The following TBX15 variants were observed in gnomAD, a reference collection of about 807,000 sequenced individuals.
TBX15 encodes T-box transcription factor TBX15.
TBX15 carries 18 observed loss-of-function variants against 53.9 expected under a neutral mutation model. That is an observed-to-expected ratio of 0.33 (90% CI 0.23 to 0.49). The LOEUF is 0.49. TBX15 is among the 20% of genes least tolerant of loss of function. The pLI, the probability that TBX15 is intolerant of heterozygous loss-of-function variation, is 0.98. For missense variants in TBX15, 692 were observed against 749.5 expected (o/e 0.92, Z 0.90); for synonymous variants, 295 against 278.0 (o/e 1.06, Z -0.61).
intron 7 of TBX15, among the ~76,000 whole-genome samples, chr1:118,898,220 AATCACTAC>A (rs1654495449): frequency 6.6e-6 from 1 of 152,192 alleles, no homozygotes; most frequent in Non-Finnish European, 1.5e-5. Context: ...CTATGCTTTT[AATCACTAC>A]ACTCATCTTA....
At chr1:118,934,901 C>A (rs762488978) in intron 1 of TBX15, among the ~76,000 whole-genome samples, 1 of 152,188 alleles carries the variant, frequency 6.6e-6, no homozygotes, top group Non-Finnish European at 1.5e-5. Context: ...CACTCTCTCA[C>A]AAAACAGGAT....
At chr1:118,947,051 G>T (rs1176150674) in intron 1 of TBX15, among the ~76,000 whole-genome samples, 1 of 152,222 alleles carries the variant, frequency 6.6e-6, no homozygotes, top group African/African-American at 2.4e-5. Flanking sequence ...CTTAGGCAGT[G>T]GTCCCTGTAT....
chr1:118,924,847 A>G (rs755162139), intron 3 of TBX15, 30 bp from the exon 4 acceptor site: 2 of 1,613,574 alleles, frequency 1.2e-6, no homozygotes, highest in East Asian at 4.5e-5. Flanking sequence ...AGGAAAATTC[A>G]GAGACAGAGG....
intron 7 of TBX15, among the ~76,000 whole-genome samples, chr1:118,893,309 G>GAAA (rs1654227013): frequency 9.5e-6 from 1 of 104,806 alleles, no homozygotes; most frequent in African/African-American, 4.6e-5. Context: ...AAGGAAGGAA[G>GAAA]GAAGGAAAGA....
intron 1 of TBX15, among the ~76,000 whole-genome samples, chr1:118,932,975 CA>C (rs1655849439): frequency 6.6e-6 from 1 of 152,062 alleles, no homozygotes; most frequent in Non-Finnish European, 1.5e-5. Flanking sequence ...AGGCTGGAAA[CA>C]AGTGTTGTAC....
intron 2 of TBX15, 134 bp downstream of exon 2, chr1:118,931,485 C>CA: frequency 1.1e-6 from 1 of 920,490 alleles, no homozygotes; most frequent in Non-Finnish European, 1.7e-6. Context: ...CCAAGATGTC[C>CA]AAATGCAGAG....
intron 2 of TBX15, among the ~76,000 whole-genome samples, 159 bp from the exon 3 acceptor site, chr1:118,926,770 A>G (rs1330627180): frequency 1.3e-5 from 2 of 152,142 alleles, no homozygotes; most frequent in Non-Finnish European, 2.9e-5. Flanking sequence ...CAGTAGCACA[A>G]TCTTGGCTCA....
chr1:118,952,191 C>T (rs984285873), intron 1 of TBX15, among the ~76,000 whole-genome samples: 4 of 152,134 alleles, frequency 2.6e-5, no homozygotes, highest in African/African-American at 9.7e-5. Flanking sequence ...TTAACATTTT[C>T]TTCTCTCTAG....
chr1:118,947,235 A>G (rs188411356), intron 1 of TBX15, among the ~76,000 whole-genome samples: 17 of 152,288 alleles, frequency 1.1e-4, no homozygotes, highest in African/African-American at 4.1e-4. Flanking sequence ...CCATGAGAAG[A>G]ACATTTTGGT....
intron 1 of TBX15, among the ~76,000 whole-genome samples, chr1:118,971,407 G>A (rs1571214571): frequency 6.6e-6 from 1 of 152,104 alleles, no homozygotes; most frequent in African/African-American, 2.4e-5. Context: ...CTGTAAAGTG[G>A]CTGTAGTGGT....
At chr1:118,885,539 T>G (rs1174735817) in intron 7 of TBX15, 23 bp from the exon 8 acceptor site, 1 of 1,556,846 alleles carries the variant, frequency 6.4e-7, no homozygotes, top group Admixed American at 1.9e-5. Flanking sequence ...ACGTGAATAC[T>G]ATTGAGACAG....
chr1:118,977,483 C>T (rs1657474106), intron 1 of TBX15, among the ~76,000 whole-genome samples: 1 of 152,014 alleles, frequency 6.6e-6, no homozygotes, highest in Non-Finnish European at 1.5e-5. Context: ...GGTCATTGGC[C>T]TACAGTAGTT....
At chr1:118,983,886 C>T (rs1325884406) in intron 1 of TBX15, among the ~76,000 whole-genome samples, 1 of 152,254 alleles carries the variant, frequency 6.6e-6, no homozygotes, top group African/African-American at 2.4e-5. Context: ...CCCCCGCTGG[C>T]TTGAACTCAT....
chr1:118,961,700 A>G (rs1656879109), intron 1 of TBX15, among the ~76,000 whole-genome samples: 1 of 152,232 alleles, frequency 6.6e-6, no homozygotes, highest in Non-Finnish European at 1.5e-5. Context: ...AGCTGGGAGT[A>G]TCATGTGTCT....
chr1:118,949,367 C>A (rs186833755), intron 1 of TBX15, among the ~76,000 whole-genome samples: 6 of 152,338 alleles, frequency 3.9e-5, no homozygotes, highest in Admixed American at 3.9e-4. Flanking sequence ...AATCTCTCCC[C>A]TCTAGAAATA....
At chr1:118,983,445 A>G (rs1657711770) in intron 1 of TBX15, among the ~76,000 whole-genome samples, 1 of 151,216 alleles carries the variant, frequency 6.6e-6, no homozygotes, top group Non-Finnish European at 1.5e-5. Context: ...CGCGCACCCA[A>G]AGGGCGTCTA....
At chr1:118,968,664 G>T (rs1657133297) in intron 1 of TBX15, among the ~76,000 whole-genome samples, 1 of 152,162 alleles carries the variant, frequency 6.6e-6, no homozygotes, top group South Asian at 2.1e-4. Flanking sequence ...AAGAAGGAAA[G>T]ACCCAGAAGT....
chr1:118,919,770 C>A (rs1445502580), intron 5 of TBX15, among the ~76,000 whole-genome samples: 2 of 152,160 alleles, frequency 1.3e-5, no homozygotes, highest in Non-Finnish European at 2.9e-5. Flanking sequence ...TCTAATCCCC[C>A]TCCCATTATT....
At position 118,926,399 on chromosome 1, in the gene TBX15, C is replaced by T. The variant is rs1655596324; in HGVS notation, c.521+111G>A. The T allele has an allele frequency of 5.1e-6, 5 of 981,774 alleles. No homozygotes were observed. In the East Asian group the frequency reaches 1.3e-4, roughly 26 times the overall value. The allele number at this position is 981,774 out of a possible 1,614,324, so 60.8% of individuals were successfully genotyped here. On this transcript the variant is annotated intron_variant, in intron 3 of 7. Transcript: ENST00000369429. ...ACAGGCCATTGACATAGTCTCCATT[C>T]CTTGTTCTCTGTACAGCATGCATTG...
Sources: gnomAD v4.1 joint callset for allele counts (sites outside exome capture counted in the v4.1 genomes callset) on GRCh38, gnomAD v4.1.1 for gene constraint, MANE v1.5 for transcripts, NCBI Gene and HGNC (gene_info 2026-07-23, HGNC 2026-07-21) for gene names.